Variants in TTC8 observed in about 807,000 individuals in gnomAD.
The protein encoded by TTC8 is tetratricopeptide repeat domain 8, also known as tetratricopeptide repeat protein 8.
TTC8 carries 47 observed loss-of-function variants against 72.5 expected under a neutral mutation model. The observed-to-expected ratio is 0.65, with a 90% CI of 0.51 to 0.83. The LOEUF (loss-of-function observed/expected upper bound fraction) is 0.83. Among genes scored for constraint, TTC8 ranks in the 40% least tolerant of loss-of-function variants. The pLI, the probability that TTC8 is intolerant of heterozygous loss-of-function variation, is 0.00. For synonymous variants in TTC8, 199 were observed against 221.4 expected (o/e 0.90, Z 0.90); for missense variants, 611 against 623.2 (o/e 0.98, Z 0.21).
intron 1 of TTC8, among the ~76,000 whole-genome samples, chr14:88,828,830 C>A (rs1054713172): frequency 1.3e-5 from 2 of 152,124 alleles, no homozygotes; most frequent in African/African-American, 4.8e-5. Flanking sequence ...GCATTTATTT[C>A]GCCTTTAAGG....
chr14:88,875,847 A>G (rs1595993388), intron 14 of TTC8, among the ~76,000 whole-genome samples: 1 of 152,174 alleles, frequency 6.6e-6, no homozygotes, highest in Admixed American at 6.5e-5. Flanking sequence ...ATTATTGAGC[A>G]CCTGTAAGTA....
intron 9 of TTC8, among the ~76,000 whole-genome samples, chr14:88,858,697 G>A (rs977815244): frequency 3.3e-5 from 5 of 150,176 alleles, no homozygotes; most frequent in Admixed American, 6.7e-5. Context: ...AGGCTCAGGC[G>A]ATCCTCTCCT....
In TTC8 at chr14:88,866,353, C is replaced by A. The variant is rs182041476; in HGVS notation, c.910-3706C>A. On this transcript the variant is annotated intron_variant, in intron 10 of 14. Coordinates refer to ENST00000380656, the MANE Select transcript of TTC8 (RefSeq NM_144596.4). Reference sequence around the variant, plus strand: ...TTTGATTTCCTCAAACTACACATTGCTTAAAAATTGCTGAAAATGGGAGAT... The same window carrying A: ...TTTGATTTCCTCAAACTACACATTGATTAAAAATTGCTGAAAATGGGAGAT... Among the ~76,000 whole-genome samples the A allele has an allele frequency of 1.5e-4, 22 of 151,122 alleles. No individual in the cohort carries two copies. In the East Asian group the frequency reaches 2.3e-3, roughly 16 times the overall value.
At chr14:88,878,677 T>C (rs1041361502), downstream of TTC8, 5 of 152,210 alleles carry the variant, frequency 3.3e-5, no homozygotes, top group African/African-American at 1.2e-4. Context: ...TCAGGTACTA[T>C]CACATTTCCT....
chr14:88,825,975 T>A (rs549926213), intron 1 of TTC8, among the ~76,000 whole-genome samples: 2 of 151,250 alleles, frequency 1.3e-5, no homozygotes, highest in South Asian at 2.1e-4. Context: ...TTTTTAAATT[T>A]TTTTTATTTT....
At position 88,871,904 on chromosome 14, in the gene TTC8, T is replaced by C. The variant is rs2094935880; in HGVS notation, c.1224+181T>C. ...CTGTCTCTACAAAAAATTTAAAAAT[T>C]AGCTGGGTGTGGTAGTGCACATCTG... On this transcript the variant is annotated intron_variant, in intron 12 of 14. Transcript: ENST00000380656. This position sits in a 1 kb window ranked among gnomAD's most constrained non-coding sequence, Gnocchi z 4.1. Among the ~76,000 whole-genome samples the C allele has an allele frequency of 6.6e-6, 1 of 152,030 alleles. No homozygotes were observed. Among genetic ancestry groups the C allele is most frequent in the African/African-American group, 2.4e-5 (1 of 41,386 alleles).
Position 88,877,270 on chromosome 14 carries a change from G to C in TTC8, c.1432-24G>C, listed in dbSNP as rs761457775. ...CATTTTTTTCTGATCTCATTCCATG[G>C]TCTTATTCTTGTATTTTTTGCAGAT... On this transcript the variant is annotated intron_variant, in intron 14 of 14. Coordinates refer to ENST00000380656, the MANE Select transcript of TTC8 (RefSeq NM_144596.4). 5.1e-6 allele frequency: 8 copies of C among 1,573,188 alleles called. No homozygotes were observed. The African/African-American group carries it at 1.1e-4, about 21-fold the overall frequency.
At chr14:88,859,898 TATA>T (rs113707158) in intron 9 of TTC8, among the ~76,000 whole-genome samples, 15,285 of 144,168 alleles carry the variant, frequency 0.11, 2,062 homozygotes, top group African/African-American at 0.3. Flanking sequence ...TAATATATAA[TATA>T]ATATAAATAT....
At chr14:88,873,138 T>C (rs1322064626) in intron 13 of TTC8, among the ~76,000 whole-genome samples, 1 of 152,198 alleles carries the variant, frequency 6.6e-6, no homozygotes, top group Admixed American at 6.5e-5. Flanking sequence ...GACTATGGCC[T>C]TTGAGGCCCC....
intron 12 of TTC8, 96 bp from the exon 13 acceptor site, chr14:88,872,234 T>A: frequency 1.3e-6 from 2 of 1,539,942 alleles, no homozygotes; most frequent in Non-Finnish European, 1.8e-6. Context: ...TGGTACTTGA[T>A]GCTTTTTGTC....
rs2094885045 is a variant in TTC8, at chr14:88,861,347, T to G, written c.909+15T>G. On this transcript the variant is annotated intron_variant, in intron 10 of 14. Transcript: ENST00000380656. ...GAATCTATGAGGTAATTCATGTTAT[T>G]ATTATTATTATTTATTGATACACAA... 1 of 1,523,430 alleles carries G rather than the reference T, an allele frequency of 6.6e-7. No individual in the cohort carries two copies. 94.4% of individuals were successfully genotyped at this position (1,523,430 alleles called of 1,614,324 possible). A position where few individuals can be genotyped will look rare whatever the true frequency, so the allele number is the denominator to read the frequency against.
chr14:88,835,881 T>C (rs2094748317), intron 2 of TTC8, among the ~76,000 whole-genome samples: 1 of 152,174 alleles, frequency 6.6e-6, no homozygotes, highest in Non-Finnish European at 1.5e-5. Flanking sequence ...AAGCTCCTTC[T>C]GCTGTTTTCA....
At chr14:88,842,609 A>AT (rs2140980100) in intron 6 of TTC8, among the ~76,000 whole-genome samples, 1 of 152,172 alleles carries the variant, frequency 6.6e-6, no homozygotes, top group African/African-American at 2.4e-5. Flanking sequence ...TACCATTGCT[A>AT]TTTTTTGACC....
intron 7 of TTC8, among the ~76,000 whole-genome samples, chr14:88,849,279 C>T (rs2140992884): frequency 6.6e-6 from 1 of 152,198 alleles, no homozygotes; most frequent in South Asian, 2.1e-4. Context: ...CAGATTGTTC[C>T]ATTAAAATGT....
chr14:88,862,540 C>CTATATATA (rs2094890629), intron 10 of TTC8, among the ~76,000 whole-genome samples: 3 of 41,160 alleles, frequency 7.3e-5, no homozygotes, highest in Admixed American at 7.6e-4. Context: ...CTCTCTCTCT[C>CTATATATA]CATATATATA....
intron 7 of TTC8, chr14:88,846,738 G>A (rs114030148): frequency 6.4e-6 from 6 of 941,232 alleles, no homozygotes; most frequent in African/African-American, 1.7e-5. Context: ...TTAGCCGACT[G>A]TAATTTTTAC....
intron 6 of TTC8, among the ~76,000 whole-genome samples, chr14:88,843,232 A>G (rs955247925): frequency 5.3e-5 from 8 of 152,064 alleles, no homozygotes; most frequent in African/African-American, 1.9e-4. Context: ...CATCCCCCCA[A>G]CTCTGATTTA....
In TTC8 at chr14:88,841,019, A is replaced by C. The variant is rs750012179; in HGVS notation, c.330-18A>C. Reference sequence around the variant, plus strand: ...CAAATGATCTTCTTTGTATTATAACAATTTATAATCTTCACAGGCCAATCA... The same window carrying C: ...CAAATGATCTTCTTTGTATTATAACCATTTATAATCTTCACAGGCCAATCA... On this transcript the variant is annotated intron_variant, in intron 4 of 14. Transcript: ENST00000380656. 1.2e-6 allele frequency: 2 copies of C among 1,613,780 alleles called. No individual in the cohort carries two copies. Among genetic ancestry groups the C allele is most frequent in the African/African-American group, 1.3e-5 (1 of 74,878 alleles).
At position 88,841,045 on chromosome 14, in the gene TTC8, C is replaced by T; in HGVS notation, c.338C>T (p.Thr113Ile). 6.2e-7 allele frequency: 1 copy of T among 1,614,092 alleles called. No individual in the cohort carries two copies. The highest frequency in any genetic ancestry group is 2.2e-5 in the East Asian group (1 of 44,886). Residue 113 changes from threonine (T) to isoleucine (I), a missense_variant, in exon 5 of 15, where the codon ACA becomes ATA. Coordinates refer to ENST00000380656, the MANE Select transcript of TTC8 (RefSeq NM_144596.4). ...GGPSQAVRPI[T>I]QAGRPITGFL... ...ATTTATAATCTTCACAGGCCAATCA[C>T]ACAAGCTGGAAGACCCATTACAGGT...
Sources: allele counts gnomAD v4.1 joint callset (sites outside exome capture counted in the v4.1 genomes callset), GRCh38; gene constraint gnomAD v4.1.1; non-coding constraint Gnocchi (gnomAD v3.1); transcripts MANE v1.5; gene names NCBI Gene and HGNC (gene_info 2026-07-23, HGNC 2026-07-21).